The following MAFA variants were observed in gnomAD, a reference collection of about 807,000 sequenced individuals.
MAFA encodes the protein MAF bZIP transcription factor A, also known as transcription factor MafA.
For missense variants in MAFA, 547 were observed against 538.0 expected, an observed-to-expected ratio of 1.02 and a Z score of -0.16; for synonymous variants, 244 against 260.3, an observed-to-expected ratio of 0.94 and a Z score of 0.60.
chr8:143,429,324 C>T lies in MAFA; in HGVS notation c.*21G>A. 2 of 1,315,872 alleles carry T rather than the reference C, an allele frequency of 1.5e-6. No homozygotes were observed. 81.5% of individuals were successfully genotyped at this position (1,315,872 alleles called of 1,614,324 possible). ...GCGAACTTGTCCCCGGCGACGGCGG[C>T]GCGGGCTCGGGGTCCGGCGCCTACA... On this transcript the variant is annotated 3_prime_UTR_variant, in exon 1 of 1. Coordinates refer to ENST00000333480, the MANE Select transcript of MAFA (RefSeq NM_201589.4). This position sits in a 1 kb window ranked among gnomAD's most constrained non-coding sequence, Gnocchi z 5.9.
In MAFA at chr8:143,429,377, C is replaced by A; in HGVS notation, c.1030G>T (p.Gly344Trp). The A allele has an allele frequency of 1.4e-6, 2 of 1,414,762 alleles. No homozygotes were observed. The highest frequency in any genetic ancestry group is 1.5e-5 in the South Asian group (1 of 67,204). 87.6% of individuals were successfully genotyped at this position (1,414,762 alleles called of 1,614,324 possible). ...AAGAAGTCGGCCGTGCCCTTGGCCC[C>A]GCCGGGACCGGCCTGCGGCGGCGAA... is the stretch of plus-strand genomic sequence containing the variant. ...EPSPPQAGPG[G>W]AKGTADFFL Residue 344 changes from glycine (G) to tryptophan (W), a missense_variant, in exon 1 of 1, where the codon GGG becomes TGG. Physicochemically the swap from Gly to Trp is radical, Grantham distance 184. Transcript: ENST00000333480. The surrounding 1 kb of genome is among the most constrained non-coding windows in gnomAD (Gnocchi z 5.9).
At position 143,430,029 on chromosome 8, in the gene MAFA, G is replaced by C; in HGVS notation, c.378C>G (p.Leu126=). 7.3e-7 allele frequency: 1 copy of C among 1,374,870 alleles called. No individual in the cohort carries two copies. The highest frequency in any genetic ancestry group is 9.5e-7 in the Non-Finnish European group (1 of 1,054,208). The allele number at this position is 1,374,870 out of a possible 1,614,324, so 85.2% of individuals were successfully genotyped here. The change falls in exon 1 of 1, where the codon CTC becomes CTG. Residue 126 remains leucine, a synonymous_variant. Coordinates refer to ENST00000333480, the MANE Select transcript of MAFA (RefSeq NM_201589.4). ...GCGTCAGGTTGAGCGCCTCGGGGTT[G>C]AGGTGATGCTGGTAGCCGCTCATCC... ...LYWMSGYQHH[L]NPEALNLTPE...
In MAFA at chr8:143,430,269, C is replaced by A; in HGVS notation, c.138G>T (p.Pro46=). The A allele has an allele frequency of 6.9e-7, 1 of 1,447,754 alleles. No homozygotes were observed. Among genetic ancestry groups the A allele is most frequent in the South Asian group, 1.2e-5 (1 of 80,222 alleles). The allele number at this position is 1,447,754 out of a possible 1,614,324, so 89.7% of individuals were successfully genotyped here. A position where few individuals can be genotyped will look rare whatever the true frequency, so the allele number is the denominator to read the frequency against. Residue 46 remains proline (P), a synonymous_variant, in exon 1 of 1, where the codon CCG becomes CCT. Coordinates refer to ENST00000333480, the MANE Select transcript of MAFA (RefSeq NM_201589.4). ...PEAERFCHRL[P]PGSLSSTPLS... ...GCGGCGTCGAGGACAGCGAGCCTGGCGGCAGGCGGTGGCAGAAGCGCTCGG... is the reference window on the plus strand; with the variant it reads ...GCGGCGTCGAGGACAGCGAGCCTGGAGGCAGGCGGTGGCAGAAGCGCTCGG...
Position 143,429,156 on chromosome 8 carries a change from C to G in MAFA, c.*189G>C. 6.4e-6 allele frequency: 4 copies of G among 626,012 alleles called. No homozygotes were observed. Among genetic ancestry groups the G allele is most frequent in the Non-Finnish European group, 9.0e-6 (4 of 445,852 alleles). The allele number at this position is 626,012 out of a possible 1,614,324, so 38.8% of individuals were successfully genotyped here. The stretch of plus-strand genomic sequence containing the variant: ...TCAACCTCAGGACGGCGACCCGGGC[C>G]GACGCGCGCGAACGGGGACCGGGAG... On this transcript the variant is annotated 3_prime_UTR_variant, in exon 1 of 1. Coordinates refer to ENST00000333480, the MANE Select transcript of MAFA (RefSeq NM_201589.4). The surrounding 1 kb of genome is among the most constrained non-coding windows in gnomAD (Gnocchi z 5.9).
chr8:143,429,315 CG>C lies in MAFA; in HGVS notation c.*29del. On this transcript the variant is annotated 3_prime_UTR_variant, in exon 1 of 1. Transcript: ENST00000333480. The surrounding 1 kb of genome is among the most constrained non-coding windows in gnomAD (Gnocchi z 5.9). Reference sequence around the variant, plus strand: ...GAGGCCTGCGCGAACTTGTCCCCGGCGACGGCGGCGCGGGCTCGGGGTCCGG... The same window carrying C: ...GAGGCCTGCGCGAACTTGTCCCCGGCACGGCGGCGCGGGCTCGGGGTCCGG... The C allele has an allele frequency of 1.5e-6, 2 of 1,311,204 alleles. No homozygotes were observed. The highest frequency in any genetic ancestry group is 4.7e-5 in the South Asian group (2 of 42,212). 81.2% of individuals were successfully genotyped at this position (1,311,204 alleles called of 1,614,324 possible).
In MAFA at chr8:143,430,319, C is replaced by T. The variant is rs865805868; in HGVS notation, c.88G>A (p.Glu30Lys). The T allele has an allele frequency of 2.1e-6, 3 of 1,450,168 alleles. No homozygotes were observed. The highest frequency in any genetic ancestry group is 2.8e-6 in the Non-Finnish European group (3 of 1,086,276). The allele number at this position is 1,450,168 out of a possible 1,614,324, so 89.8% of individuals were successfully genotyped here. ...YVNDFDLMKFEVKKEPPEAER... is the reference protein window; with the variant it reads ...YVNDFDLMKFKVKKEPPEAER... ...GCCTCGGGAGGCTCCTTCTTCACCT[C>T]GAACTTCATCAGGTCGAAGTCGTTG... Residue 30 changes from glutamate (E) to lysine (K), a missense_variant, in exon 1 of 1, where the codon GAG becomes AAG. By Grantham distance (56) the Glu-to-Lys change is moderately conservative. Coordinates refer to ENST00000333480, the MANE Select transcript of MAFA (RefSeq NM_201589.4).
At position 143,429,504 on chromosome 8, in the gene MAFA, C is replaced by A. The variant is rs745833807; in HGVS notation, c.903G>T (p.Gly301=). 19 of 1,605,192 alleles carry A rather than the reference C, an allele frequency of 1.2e-5. No homozygotes were observed. In the East Asian group the frequency reaches 4.0e-4, roughly 34 times the overall value. Reference sequence around the variant, plus strand: ...ACAGGTCCCGCTCTTTGGCCAGGCGCCCCACCTCCAGCTTCAGCTGCTCCA... The same window carrying A: ...ACAGGTCCCGCTCTTTGGCCAGGCGACCCACCTCCAGCTTCAGCTGCTCCA... The part of the protein sequence containing the change: ...SQVEQLKLEV[G]RLAKERDLYK... Residue 301 remains glycine (G), a synonymous_variant, in exon 1 of 1, where the codon GGG becomes GGT. Coordinates refer to ENST00000333480, the MANE Select transcript of MAFA (RefSeq NM_201589.4). This position sits in a 1 kb window ranked among gnomAD's most constrained non-coding sequence, Gnocchi z 5.9.
Position 143,430,311 on chromosome 8 carries a change from C to T in MAFA, c.96G>A (p.Lys32=), listed in dbSNP as rs1221131296. The T allele has an allele frequency of 2.1e-6, 3 of 1,451,292 alleles. No homozygotes were observed. The highest frequency in any genetic ancestry group is 2.5e-5 in the South Asian group (2 of 81,368). The allele number at this position is 1,451,292 out of a possible 1,614,324, so 89.9% of individuals were successfully genotyped here. A position where few individuals can be genotyped will look rare whatever the true frequency, so the allele number is the denominator to read the frequency against. The change falls in exon 1 of 1, where the codon AAG becomes AAA. Residue 32 remains lysine (K), a synonymous_variant. Transcript: ENST00000333480. ...NDFDLMKFEV[K]KEPPEAERFC... Reference sequence around the variant, plus strand: ...AGCGCTCGGCCTCGGGAGGCTCCTTCTTCACCTCGAACTTCATCAGGTCGA... The same window carrying T: ...AGCGCTCGGCCTCGGGAGGCTCCTTTTTCACCTCGAACTTCATCAGGTCGA...
Position 143,429,834 on chromosome 8 carries a change from G to A in MAFA, c.573C>T (p.Ala191=), listed in dbSNP as rs1187853675. Residue 191 remains alanine, a synonymous_variant, in exon 1 of 1, where the codon GCC becomes GCT. Coordinates refer to ENST00000333480, the MANE Select transcript of MAFA (RefSeq NM_201589.4). The surrounding 1 kb of genome is among the most constrained non-coding windows in gnomAD (Gnocchi z 5.9). Reference sequence around the variant, plus strand: ...GGTGGGCGGCGTGGTGATGGTGGGCGGCGTGGTGCGCGCCGTGGTGGTGGC... The same window carrying A: ...GGTGGGCGGCGTGGTGATGGTGGGCAGCGTGGTGCGCGCCGTGGTGGTGGC... The part of the protein sequence containing the change: ...GAGHHHGAHH[A]AHHHHAAHHH... The A allele has an allele frequency of 2.1e-6, 3 of 1,455,184 alleles. No homozygotes were observed. Among genetic ancestry groups the A allele is most frequent in the Non-Finnish European group, 2.7e-6 (3 of 1,109,464 alleles). 90.1% of individuals were successfully genotyped at this position (1,455,184 alleles called of 1,614,324 possible). A position where few individuals can be genotyped will look rare whatever the true frequency, so the allele number is the denominator to read the frequency against.
chr8:143,429,284 C>A lies in MAFA; in HGVS notation c.*61G>T. 1 of 1,288,910 alleles carries A rather than the reference C, an allele frequency of 7.8e-7. No individual in the cohort carries two copies. The highest frequency in any genetic ancestry group is 1.6e-5 in the African/African-American group (1 of 64,028). The allele number at this position is 1,288,910 out of a possible 1,614,324, so 79.8% of individuals were successfully genotyped here. ...CTGTACCGCGGAGTCCGAGCCGAGG[C>A]CCCGAGAGGCCTGCGCGAACTTGTC... On this transcript the variant is annotated 3_prime_UTR_variant, in exon 1 of 1. Transcript: ENST00000333480. This position sits in a 1 kb window ranked among gnomAD's most constrained non-coding sequence, Gnocchi z 5.9.
rs1819502655 is a variant in MAFA at position 143,429,774 on chromosome 8, C to G, written c.633G>C (p.Ala211=). The change falls in exon 1 of 1, where the codon GCG becomes GCC. Residue 211 remains alanine, a synonymous_variant. Coordinates refer to ENST00000333480, the MANE Select transcript of MAFA (RefSeq NM_201589.4). This position sits in a 1 kb window ranked among gnomAD's most constrained non-coding sequence, Gnocchi z 5.9. ...GGTGGCCCGCGCCACCGCCGTGTCC[C>G]GCGCCGCCATGGTGGTGGTGGTGGT... The part of the protein sequence containing the change: ...HHHHHHHHGG[A]GHGGGAGHHV... The G allele has an allele frequency of 6.6e-7, 1 of 1,514,386 alleles. No individual in the cohort carries two copies. The highest frequency in any genetic ancestry group is 1.5e-5 in the African/African-American group (1 of 67,984). The allele number at this position is 1,514,386 out of a possible 1,614,324, so 93.8% of individuals were successfully genotyped here.
At position 143,429,160 on chromosome 8, in the gene MAFA, G is replaced by T; in HGVS notation, c.*185C>A. ...CCTCAGGACGGCGACCCGGGCCGACGCGCGCGAACGGGGACCGGGAGCGAA... is the reference window on the plus strand; with the variant it reads ...CCTCAGGACGGCGACCCGGGCCGACTCGCGCGAACGGGGACCGGGAGCGAA... On this transcript the variant is annotated 3_prime_UTR_variant, in exon 1 of 1. Transcript: ENST00000333480. This position sits in a 1 kb window ranked among gnomAD's most constrained non-coding sequence, Gnocchi z 5.9. The T allele has an allele frequency of 1.5e-6, 1 of 656,418 alleles. No individual in the cohort carries two copies. Among genetic ancestry groups the T allele is most frequent in the Non-Finnish European group, 2.1e-6 (1 of 473,730 alleles). The allele number at this position is 656,418 out of a possible 1,614,324, so 40.7% of individuals were successfully genotyped here. A position where few individuals can be genotyped will look rare whatever the true frequency, so the allele number is the denominator to read the frequency against.
chr8:143,429,926 C>T lies in MAFA; in HGVS notation c.481G>A (p.Ala161Thr). The change falls in exon 1 of 1, where the codon GCA (alanine) becomes ACA (threonine). Residue 161 changes from alanine (A) to threonine (T), a missense_variant. Coordinates refer to ENST00000333480, the MANE Select transcript of MAFA (RefSeq NM_201589.4). The surrounding 1 kb of genome is among the most constrained non-coding windows in gnomAD (Gnocchi z 5.9). ...GGGCCGCGGAAAGCCTCGTAGGCTG[C>T]GGCGGCCGCCGGGTGGTGCGCGCCG... ...HHGAHHPAAA[A>T]AYEAFRGPGF... 2 of 1,256,880 alleles carry T rather than the reference C, an allele frequency of 1.6e-6. No individual in the cohort carries two copies. Among genetic ancestry groups the T allele is most frequent in the South Asian group, 2.7e-5 (1 of 36,590 alleles). The allele number at this position is 1,256,880 out of a possible 1,614,324, so 77.9% of individuals were successfully genotyped here. A position where few individuals can be genotyped will look rare whatever the true frequency, so the allele number is the denominator to read the frequency against.
chr8:143,429,388 G>C lies in MAFA; in HGVS notation c.1019C>G (p.Ala340Gly). The C allele has an allele frequency of 2.7e-6, 4 of 1,464,112 alleles. No individual in the cohort carries two copies. Among genetic ancestry groups the C allele is most frequent in the Non-Finnish European group, 3.6e-6 (4 of 1,117,072 alleles). 90.7% of individuals were successfully genotyped at this position (1,464,112 alleles called of 1,614,324 possible). A position where few individuals can be genotyped will look rare whatever the true frequency, so the allele number is the denominator to read the frequency against. ...GFPREPSPPQ[A>G]GPGGAKGTAD... is the part of the protein sequence containing the mutation. ...CGTGCCCTTGGCCCCGCCGGGACCG[G>C]CCTGCGGCGGCGAAGGCTCCCGCGG... is the stretch of plus-strand genomic sequence containing the variant. The change falls in exon 1 of 1, where the codon GCC becomes GGC. Residue 340 changes from alanine to glycine, a missense_variant. Ala to Gly is a moderately conservative substitution (Grantham distance 60). Transcript: ENST00000333480. This position sits in a 1 kb window ranked among gnomAD's most constrained non-coding sequence, Gnocchi z 5.9.
chr8:143,429,950 C>A lies in MAFA; in HGVS notation c.457G>T (p.Gly153Cys). 1.6e-6 allele frequency: 2 copies of A among 1,264,772 alleles called. No homozygotes were observed. Among genetic ancestry groups the A allele is most frequent in the Non-Finnish European group, 2.0e-6 (2 of 1,006,006 alleles). The allele number at this position is 1,264,772 out of a possible 1,614,324, so 78.3% of individuals were successfully genotyped here. The part of the protein sequence containing the change: ...IGSGHHGAHH[G>C]AHHPAAAAAY... Reference sequence around the variant, plus strand: ...GCGGCGGCCGCCGGGTGGTGCGCGCCGTGGTGCGCGCCGTGGTGGCCGCTG... The same window carrying A: ...GCGGCGGCCGCCGGGTGGTGCGCGCAGTGGTGCGCGCCGTGGTGGCCGCTG... The change falls in exon 1 of 1, where the codon GGC becomes TGC. Residue 153 changes from glycine (G) to cysteine (C), a missense_variant. Coordinates refer to ENST00000333480, the MANE Select transcript of MAFA (RefSeq NM_201589.4). The surrounding 1 kb of genome is among the most constrained non-coding windows in gnomAD (Gnocchi z 5.9).
chr8:143,430,638 G>A lies in MAFA; in HGVS notation c.-232C>T, dbSNP rs1212775303. Among the ~76,000 whole-genome samples, 1 of 146,572 alleles carries A rather than the reference G, an allele frequency of 6.8e-6. No individual in the cohort carries two copies. The highest frequency in any genetic ancestry group is 2.5e-5 in the African/African-American group (1 of 40,726). ...GTGTCTCGGGCGACCCCGGGCCCGC[G>A]TCGCCGCCTCCTCCCCGCGGCCGCC... On this transcript the variant is annotated 5_prime_UTR_variant, in exon 1 of 1. In the 5' UTR this introduces an upstream ATG that the reference lacks. Transcript: ENST00000333480.
Position 143,430,029 on chromosome 8 carries a change from G to A in MAFA, c.378C>T (p.Leu126=). 3 of 1,374,872 alleles carry A rather than the reference G, an allele frequency of 2.2e-6. No homozygotes were observed. The highest frequency in any genetic ancestry group is 2.8e-6 in the Non-Finnish European group (3 of 1,054,210). 85.2% of individuals were successfully genotyped at this position (1,374,872 alleles called of 1,614,324 possible). ...LYWMSGYQHH[L]NPEALNLTPE... is the part of the protein sequence containing the mutation. ...GCGTCAGGTTGAGCGCCTCGGGGTT[G>A]AGGTGATGCTGGTAGCCGCTCATCC... The change falls in exon 1 of 1, where the codon CTC becomes CTT. Residue 126 remains leucine, a synonymous_variant. Coordinates refer to ENST00000333480, the MANE Select transcript of MAFA (RefSeq NM_201589.4).
chr8:143,429,444 GC>G lies in MAFA; in HGVS notation c.962del (p.Gly321AlafsTer103). 1.9e-6 allele frequency: 3 copies of G among 1,568,264 alleles called. No individual in the cohort carries two copies. Among genetic ancestry groups the G allele is most frequent in the Admixed American group, 1.8e-5 (1 of 55,638 alleles). On this transcript the variant is annotated frameshift_variant, in exon 1 of 1. Transcript: ENST00000333480. LOFTEE classifies it low-confidence loss of function (END_TRUNC). The surrounding 1 kb of genome is among the most constrained non-coding windows in gnomAD (Gnocchi z 5.9). ...KEKYEKLAGRGGPGSAGGAGF... is the reference protein window; with the variant it reads ...KEKYEKLAGRXGPGSAGGAGF... ...CGGCCCCGCCCGCGCTCCCGGGGCC[GC>G]CCCGGCCCGCCAGCTTCTCGTATTT... is the stretch of plus-strand genomic sequence containing the variant.
chr8:143,430,223 C>A lies in MAFA; in HGVS notation c.184G>T (p.Val62Leu), dbSNP rs1285568270. ...STPLSTPCSS[V>L]PSSPSFCAPS... Reference sequence around the variant, plus strand: ...GCGCAGAAGCTGGGCGAGGAGGGCACGGAGGAGCAGGGCGTGCTGAGCGGC... The same window carrying A: ...GCGCAGAAGCTGGGCGAGGAGGGCAAGGAGGAGCAGGGCGTGCTGAGCGGC... The change falls in exon 1 of 1, where the codon GTG (valine) becomes TTG (leucine). Residue 62 changes from valine to leucine, a missense_variant. Physicochemically the swap from Val to Leu is conservative, Grantham distance 32. Coordinates refer to ENST00000333480, the MANE Select transcript of MAFA (RefSeq NM_201589.4). The A allele has an allele frequency of 1.5e-6, 2 of 1,365,408 alleles. No individual in the cohort carries two copies. The highest frequency in any genetic ancestry group is 1.4e-5 in the South Asian group (1 of 72,960). 84.6% of individuals were successfully genotyped at this position (1,365,408 alleles called of 1,614,324 possible). A position where few individuals can be genotyped will look rare whatever the true frequency, so the allele number is the denominator to read the frequency against.
Sources: gnomAD v4.1 joint callset for allele counts (sites outside exome capture counted in the v4.1 genomes callset) on GRCh38, gnomAD v4.1.1 for gene constraint, Gnocchi (gnomAD v3.1) non-coding constraint, MANE v1.5 for transcripts, NCBI Gene and HGNC (gene_info 2026-07-23, HGNC 2026-07-21) for gene names.